PHACTR1: variants seen among roughly 807,000 people sequenced by gnomAD.
PHACTR1 encodes RPEL repeat containing 1.
A neutral mutation model predicts 69.2 loss-of-function variants in PHACTR1; 16 were observed. The ratio of observed to expected loss-of-function variants is 0.23; its 90% CI spans 0.16 to 0.35. PHACTR1 has a LOEUF of 0.35. Ranked by LOEUF, PHACTR1 falls within the 10% of genes least tolerant of loss-of-function variation. The probability of loss-of-function intolerance (pLI) is 1.00; values close to 1 mark genes in which losing one functional copy is unlikely to be tolerated. For synonymous variants in PHACTR1, 312 were observed against 284.5 expected, an observed-to-expected ratio of 1.10 and a Z score of -0.97; for missense variants, 510 against 734.7, an observed-to-expected ratio of 0.69 and a Z score of 3.54.
At chr6:13,189,960 C>T (rs1763296928) in intron 7 of PHACTR1, among the ~76,000 whole-genome samples, 1 of 151,254 alleles carries the variant, frequency 6.6e-6, no homozygotes, top group Non-Finnish European at 1.5e-5. Flanking sequence ...TTGTAGACAG[C>T]TCCCTTCTCT....
At chr6:13,286,262 A>G in intron 14 of PHACTR1, 40 bp downstream of exon 14, 2 of 1,479,944 alleles carry the variant, frequency 1.4e-6, no homozygotes, top group Non-Finnish European at 1.8e-6. Context: ...TTTTCCCTCA[A>G]GTTGCAATAT....
intron 5 of PHACTR1, among the ~76,000 whole-genome samples, chr6:13,132,555 G>A (rs935081144): frequency 1.3e-5 from 2 of 152,170 alleles, no homozygotes; most frequent in African/African-American, 4.8e-5. Flanking sequence ...CCACTGAGAT[G>A]TTGCAGGCTT....
At position 12,989,506 on chromosome 6, in the gene PHACTR1, G is replaced by A. The variant is rs371338875; in HGVS notation, c.251-63859G>A. Among the ~76,000 whole-genome samples, 38 of 152,280 alleles carry A rather than the reference G, an allele frequency of 2.5e-4. 1 individual carries two copies. The highest frequency in any genetic ancestry group is 8.7e-4 in the African/African-American group (36 of 41,562). On this transcript the variant is annotated intron_variant, in intron 4 of 14. Transcript: ENST00000332995. ...TTGCTCATTCCAATGCAACTTCAGA[G>A]TTTCTGACCCAGGCCAGAAGCACCT...
intron 8 of PHACTR1, among the ~76,000 whole-genome samples, chr6:13,219,809 A>G (rs1241166808): frequency 6.6e-6 from 1 of 152,218 alleles, no homozygotes; most frequent in African/African-American, 2.4e-5. Flanking sequence ...CACGGTTTTT[A>G]AAATTTGCGG....
intron 4 of PHACTR1, among the ~76,000 whole-genome samples, chr6:12,996,396 A>C (rs2127615009): frequency 6.6e-6 from 1 of 152,286 alleles, no homozygotes; most frequent in East Asian, 1.9e-4. Context: ...GTTAACAGAT[A>C]ATTTTAAAAT....
chr6:12,879,524 T>A (rs866411791), intron 4 of PHACTR1, among the ~76,000 whole-genome samples: 12 of 152,174 alleles, frequency 7.9e-5, no homozygotes, highest in Admixed American at 6.5e-5. Context: ...TCTTATTCTT[T>A]TTTTCTCTGG....
rs764523793 is a variant in PHACTR1 at position 13,205,905 on chromosome 6, G to T, written c.755G>T (p.Gly252Val). The change falls in exon 8 of 15, where the codon GGG (glycine) becomes GTG (valine). Residue 252 changes from glycine (G) to valine (V), a missense_variant. Coordinates refer to ENST00000332995, the MANE Select transcript of PHACTR1 (RefSeq NM_030948.6). ...PKKVMICMPV[G>V]GPDLSLVSYT... is the part of the protein sequence containing the mutation. ...AAAGTCATGATCTGTATGCCCGTGG[G>T]GGGGCCAGACCTCTCACTGGTGTCC... 19 of 1,613,550 alleles carry T rather than the reference G, an allele frequency of 1.2e-5. No homozygotes were observed. Among genetic ancestry groups the T allele is most frequent in the Admixed American group, 6.7e-5 (4 of 59,998 alleles).
chr6:12,783,747 A>C (rs1196519887), intron 4 of PHACTR1, among the ~76,000 whole-genome samples: 1 of 152,244 alleles, frequency 6.6e-6, no homozygotes, highest in East Asian at 1.9e-4. Flanking sequence ...AGCAGGCTTA[A>C]GTGCAAGTAA....
intron 4 of PHACTR1, among the ~76,000 whole-genome samples, chr6:12,891,562 C>T (rs2127469342): frequency 6.6e-6 from 1 of 152,320 alleles, no homozygotes; most frequent in South Asian, 2.1e-4. Flanking sequence ...CAGGTTACTT[C>T]TGGTTTTCAT....
At position 12,977,275 on chromosome 6, in the gene PHACTR1, A is replaced by C. The variant is rs75749844; in HGVS notation, c.251-76090A>C. Reference sequence around the variant, plus strand: ...CCAAAAATGATCTGCAGTTTTAGGCATCCATTGAGGGTGTTGGAATGTACC... The same window carrying C: ...CCAAAAATGATCTGCAGTTTTAGGCCTCCATTGAGGGTGTTGGAATGTACC... On this transcript the variant is annotated intron_variant, in intron 4 of 14. Coordinates refer to ENST00000332995, the MANE Select transcript of PHACTR1 (RefSeq NM_030948.6). 4.1e-3 allele frequency among the ~76,000 whole-genome samples: 631 copies of C among 152,242 alleles called. 17 individuals carry two copies. In the East Asian group the frequency reaches 0.068, roughly 17 times the overall value.
intron 4 of PHACTR1, among the ~76,000 whole-genome samples, chr6:12,772,485 T>A (rs1769514821): frequency 6.6e-6 from 1 of 152,242 alleles, no homozygotes; most frequent in South Asian, 2.1e-4. Context: ...ATCCTCTTTC[T>A]GTGGAGATTT....
At chr6:13,034,300 AGC>A (rs1173921451) in intron 4 of PHACTR1, among the ~76,000 whole-genome samples, 2 of 152,122 alleles carry the variant, frequency 1.3e-5, no homozygotes, top group Non-Finnish European at 2.9e-5. Context: ...TACAGGCGTG[AGC>A]CACCACGCCC....
At chr6:12,768,998 A>G (rs1263293026) in intron 4 of PHACTR1, among the ~76,000 whole-genome samples, 1 of 152,186 alleles carries the variant, frequency 6.6e-6, no homozygotes, top group Non-Finnish European at 1.5e-5. Context: ...ACTCATATAT[A>G]GAGTCTTAAA....
At chr6:12,830,833 T>A (rs1473891342) in intron 4 of PHACTR1, among the ~76,000 whole-genome samples, 1 of 152,000 alleles carries the variant, frequency 6.6e-6, no homozygotes, top group Non-Finnish European at 1.5e-5. Flanking sequence ...CAACCTCAGG[T>A]GATCCACCCG....
At chr6:13,155,227 A>C (rs1037533873) in intron 5 of PHACTR1, among the ~76,000 whole-genome samples, 1 of 152,204 alleles carries the variant, frequency 6.6e-6, no homozygotes, top group African/African-American at 2.4e-5. Flanking sequence ...AGGTCAAAAC[A>C]ACCTTAATGT....
intron 4 of PHACTR1, among the ~76,000 whole-genome samples, chr6:12,901,227 C>A (rs1398701407): frequency 6.6e-6 from 1 of 152,164 alleles, no homozygotes; most frequent in East Asian, 1.9e-4. Flanking sequence ...GATTTTGCAA[C>A]AGTATCTACA....
chr6:12,904,240 T>C (rs151300724), intron 4 of PHACTR1, among the ~76,000 whole-genome samples: 1 of 152,212 alleles, frequency 6.6e-6, no homozygotes, highest in East Asian at 1.9e-4. Flanking sequence ...TTTAAACTAG[T>C]CTCTTTTATA....
At chr6:12,768,406 G>A (rs1305107005) in intron 4 of PHACTR1, among the ~76,000 whole-genome samples, 67 of 152,254 alleles carry the variant, frequency 4.4e-4, no homozygotes, top group Non-Finnish European at 1.6e-4. Flanking sequence ...GAGCCACCGC[G>A]CCCGGCCCAA....
chr6:12,861,028 G>A (rs550097235), intron 4 of PHACTR1, among the ~76,000 whole-genome samples: 69 of 152,288 alleles, frequency 4.5e-4, no homozygotes, highest in Admixed American at 1.3e-3. Context: ...CATCATAGTG[G>A]CCATGCCTTT....
Sources: allele counts gnomAD v4.1 joint callset (sites outside exome capture counted in the v4.1 genomes callset), GRCh38; gene constraint gnomAD v4.1.1; transcripts MANE v1.5; gene names NCBI Gene and HGNC (gene_info 2026-07-23, HGNC 2026-07-21).